The following PDE4D variants were observed in gnomAD, a reference collection of about 807,000 sequenced individuals.
The protein encoded by PDE4D is 3',5'-cyclic-AMP phosphodiesterase 4D.
PDE4D carries 24 observed loss-of-function variants against 87.4 expected under a neutral mutation model. The observed-to-expected ratio is 0.27, with a 90% CI of 0.20 to 0.39. The LOEUF is 0.39. Among genes scored for constraint, PDE4D ranks in the 10% least tolerant of loss-of-function variants. PDE4D has a pLI of 1.00. For missense variants in PDE4D, 714 were observed against 1,041.0 expected, an observed-to-expected ratio of 0.69 and a Z score of 4.32; for synonymous variants, 384 against 383.2, an observed-to-expected ratio of 1.00 and a Z score of -0.02.
upstream of PDE4D, among the ~76,000 whole-genome samples, chr5:59,895,532 G>A (rs1751540605): frequency 6.6e-6 from 1 of 152,194 alleles, no homozygotes; most frequent in South Asian, 2.1e-4. Context: ...TGTGACTGGT[G>A]GCAGTGGTCA....
intron 1 of PDE4D, among the ~76,000 whole-genome samples, chr5:59,816,088 CAT>C (rs549755762): frequency 1.2e-3 from 182 of 152,174 alleles, no homozygotes; most frequent in Non-Finnish European, 2.1e-3. Context: ...GGAAGTGTCA[CAT>C]GAGGCATATA....
intron 1 of PDE4D, among the ~76,000 whole-genome samples, chr5:60,324,589 G>C (rs749302767): frequency 6.6e-6 from 1 of 152,230 alleles, no homozygotes. Context: ...AGTGAGCAAA[G>C]ATGGTGCCAC....
chr5:59,065,243 T>C (rs1326654236), intron 5 of PDE4D, among the ~76,000 whole-genome samples: 1 of 151,920 alleles, frequency 6.6e-6, no homozygotes, highest in Non-Finnish European at 1.5e-5. Context: ...GAAGGACAAA[T>C]ACTGCATGAT....
intron 1 of PDE4D, among the ~76,000 whole-genome samples, chr5:60,430,471 C>G (rs1583738159): frequency 6.6e-6 from 1 of 151,528 alleles, no homozygotes; most frequent in Non-Finnish European, 1.5e-5. Context: ...TATCCTTCTG[C>G]TTGACTAATT....
intron 1 of PDE4D, among the ~76,000 whole-genome samples, chr5:60,310,244 C>A (rs1232325175): frequency 1.3e-5 from 2 of 152,188 alleles, no homozygotes; most frequent in Non-Finnish European, 2.9e-5. Context: ...AATAATCCCA[C>A]TTTACCAGCA....
At chr5:58,998,822 T>G (rs1020153691) in intron 6 of PDE4D, among the ~76,000 whole-genome samples, 2 of 152,150 alleles carry the variant, frequency 1.3e-5, no homozygotes, top group Non-Finnish European at 2.9e-5. Flanking sequence ...CTCCTTCTAT[T>G]GTGGAGACAG....
chr5:58,978,593 A>T (rs899306494), intron 11 of PDE4D, among the ~76,000 whole-genome samples: 1 of 152,152 alleles, frequency 6.6e-6, no homozygotes, highest in Non-Finnish European at 1.5e-5. Context: ...GCTAGGAAGG[A>T]GAGGAGAGGC....
intron 3 of PDE4D, among the ~76,000 whole-genome samples, chr5:59,955,183 C>A (rs1226703234): frequency 6.6e-6 from 1 of 152,216 alleles, no homozygotes; most frequent in East Asian, 1.9e-4. Flanking sequence ...CATGGTTGTG[C>A]CTCTGGAGAG....
chr5:59,728,438 G>A lies in PDE4D; in HGVS notation c.455+164730C>T, dbSNP rs147015874. On this transcript the variant is annotated intron_variant, in intron 1 of 14. Coordinates refer to ENST00000340635, the MANE Select transcript of PDE4D (RefSeq NM_001104631.2). ...AAACAAGTAAACATTCTACCCTGAC[G>A]TTGTTCTTTCCTTTTCTCTCCTTTC... Among the ~76,000 whole-genome samples the A allele has an allele frequency of 1.6e-4, 24 of 152,080 alleles. 1 individual carries two copies. Among genetic ancestry groups the A allele is most frequent in the East Asian group, 1.2e-3 (6 of 5,164 alleles).
intron 2 of PDE4D, among the ~76,000 whole-genome samples, chr5:60,048,216 T>C (rs545074388): frequency 2.6e-5 from 4 of 152,224 alleles, no homozygotes; most frequent in Non-Finnish European, 4.4e-5. Context: ...TCCATTTGCT[T>C]GGTAGATCTT....
intron 1 of PDE4D, among the ~76,000 whole-genome samples, chr5:59,280,551 T>C (rs1765623805): frequency 6.6e-6 from 1 of 152,136 alleles, no homozygotes; most frequent in Admixed American, 6.6e-5. Flanking sequence ...TTCACATTTC[T>C]TGTTCTTCTT....
At chr5:58,978,847 T>A (rs1354324745) in intron 11 of PDE4D, among the ~76,000 whole-genome samples, 2 of 152,188 alleles carry the variant, frequency 1.3e-5, no homozygotes, top group Non-Finnish European at 2.9e-5. Flanking sequence ...TGAACCTTTA[T>A]CTACAGATAG....
chr5:60,227,052 CAGAT>C (rs919525353), intron 1 of PDE4D, among the ~76,000 whole-genome samples: 2 of 152,030 alleles, frequency 1.3e-5, no homozygotes, highest in Admixed American at 1.3e-4. Flanking sequence ...AATATACAAA[CAGAT>C]AGATATATAG....
intron 1 of PDE4D, among the ~76,000 whole-genome samples, chr5:59,404,306 G>T (rs966040430): frequency 1.3e-5 from 2 of 152,134 alleles, no homozygotes; most frequent in African/African-American, 4.8e-5. Context: ...TTAACTTGAT[G>T]TGATCCCATT....
Position 59,649,941 on chromosome 5 carries a change from C to T in PDE4D, c.455+243227G>A, listed in dbSNP as rs558612623. Among the ~76,000 whole-genome samples, 202 of 24,450 alleles carry T rather than the reference C, an allele frequency of 8.3e-3. 1 individual carries two copies. The highest frequency in any genetic ancestry group is 0.024 in the African/African-American group (196 of 8,080). The allele number at this position is 24,450 out of a possible 152,430, so 16.0% of individuals were successfully genotyped here. On this transcript the variant is annotated intron_variant, in intron 1 of 14. Transcript: ENST00000340635. ...TTTTTTTTTTTTTTTTTAGCAATGA[C>T]CCAATGTCACTGTAGTGTTTCTTCA...
At chr5:59,061,488 A>G (rs1763100891) in intron 5 of PDE4D, among the ~76,000 whole-genome samples, 1 of 152,132 alleles carries the variant, frequency 6.6e-6, no homozygotes, top group Non-Finnish European at 1.5e-5. Context: ...TTATTTGCAC[A>G]CACTCGAGGC....
At chr5:59,123,329 TTTAA>T (rs1419561953) in intron 5 of PDE4D, among the ~76,000 whole-genome samples, 2 of 152,224 alleles carry the variant, frequency 1.3e-5, no homozygotes, top group Non-Finnish European at 2.9e-5. Flanking sequence ...TTCTTCTTTA[TTTAA>T]TTTTCTATCA....
intron 5 of PDE4D, among the ~76,000 whole-genome samples, chr5:59,102,078 CTACT>C (rs1309882516): frequency 1.8e-4 from 24 of 135,046 alleles, no homozygotes; most frequent in African/African-American, 6.1e-4. Context: ...AATTTTTTCC[CTACT>C]TTTTTTTTTT....
chr5:59,734,071 T>TA (rs960778178), intron 1 of PDE4D, among the ~76,000 whole-genome samples: 31 of 151,868 alleles, frequency 2.0e-4, no homozygotes, highest in Admixed American at 4.6e-4. Flanking sequence ...TGGTCTGATG[T>TA]AAAAAAAATT....
Sources: gnomAD v4.1 joint callset for allele counts (sites outside exome capture counted in the v4.1 genomes callset) on GRCh38, gnomAD v4.1.1 for gene constraint, MANE v1.5 for transcripts, NCBI Gene and HGNC (gene_info 2026-07-23, HGNC 2026-07-21) for gene names.